TMEM91: variants seen among roughly 807,000 people sequenced by gnomAD.
The protein encoded by TMEM91 is dispanin subfamily C member 3.
Under a neutral mutation model 13.3 loss-of-function variants are expected in TMEM91, and 6 were observed. The ratio of observed to expected loss-of-function variants is 0.45; its 90% CI spans 0.25 to 0.89. The LOEUF (loss-of-function observed/expected upper bound fraction) is 0.89. Among genes scored for constraint, TMEM91 ranks in the 40% least tolerant of loss-of-function variants. TMEM91 has a pLI of 0.19. For synonymous variants in TMEM91, 87 were observed against 101.7 expected, an observed-to-expected ratio of 0.86 and a Z score of 0.87; for missense variants, 193 against 228.7, an observed-to-expected ratio of 0.84 and a Z score of 1.01.
chr19:41,368,067 A>G (rs1314259199), intron 1 of TMEM91, among the ~76,000 whole-genome samples: 1 of 152,154 alleles, frequency 6.6e-6, no homozygotes, highest in Non-Finnish European at 1.5e-5. Context: ...AAGGCTTGGA[A>G]TAATTTAAAG....
chr19:41,380,692 C>T (rs1011188568), intron 2 of TMEM91, among the ~76,000 whole-genome samples: 2 of 151,850 alleles, frequency 1.3e-5, no homozygotes, highest in Admixed American at 6.6e-5. Context: ...GGGCGGATCA[C>T]GAGGTCAGGA....
Position 41,366,052 on chromosome 19 carries a change from C to CTT in TMEM91, c.-30+1976_-30+1977dup, listed in dbSNP as rs11375696. ...TTTTCTTTTTTATTTTATTTATTTA[C>CTT]TTTTTTTTTTTTTTTTTTTTGAGAC... On this transcript the variant is annotated intron_variant, in intron 1 of 3. Transcript: ENST00000413014. Among the ~76,000 whole-genome samples the CTT allele has an allele frequency of 7.8e-3, 822 of 105,820 alleles. 24 individuals carry two copies. The highest frequency in any genetic ancestry group is 0.019 in the African/African-American group (491 of 26,156). 69.4% of individuals were successfully genotyped at this position (105,820 alleles called of 152,430 possible).
At chr19:41,373,785 G>C (rs1369660182), upstream of TMEM91, among the ~76,000 whole-genome samples, 1 of 150,252 alleles carries the variant, frequency 6.7e-6, no homozygotes, top group Non-Finnish European at 1.5e-5. Context: ...TTGGGAGGCT[G>C]AGGTGGGAGA....
chr19:41,378,459 G>T lies in TMEM91; in HGVS notation c.150G>T (p.Leu50=), dbSNP rs768009290. The change falls in exon 2 of 4, where the codon CTG becomes CTT. Residue 50 remains leucine (L), a synonymous_variant. Coordinates refer to ENST00000392002, the MANE Select transcript of TMEM91 (RefSeq NM_001098821.2). ...FAESLRGLQF[L]SPPLPSVSAG... is the part of the protein sequence containing the mutation. The stretch of plus-strand genomic sequence containing the variant: ...AGTCCCTGAGGGGTTTGCAGTTCCT[G>T]TCACCGCCTCTTCCCTCCGTGAGCG... The T allele has an allele frequency of 1.9e-6, 3 of 1,614,136 alleles. No individual in the cohort carries two copies. Among genetic ancestry groups the T allele is most frequent in the Non-Finnish European group, 2.5e-6 (3 of 1,180,022 alleles).
chr19:41,378,917 G>C lies in TMEM91; in HGVS notation c.210+398G>C, dbSNP rs149048857. Reference sequence around the variant, plus strand: ...AGCGATCATAGTTTACTGCAACCTTGACCTCCCGGGCTTAAGCAATCCTCC... The same window carrying C: ...AGCGATCATAGTTTACTGCAACCTTCACCTCCCGGGCTTAAGCAATCCTCC... On this transcript the variant is annotated intron_variant, in intron 2 of 3. Coordinates refer to ENST00000392002, the MANE Select transcript of TMEM91 (RefSeq NM_001098821.2). Among the ~76,000 whole-genome samples the C allele has an allele frequency of 1.4e-3, 220 of 151,754 alleles. 1 individual carries two copies. The highest frequency in any genetic ancestry group is 5.1e-3 in the African/African-American group (212 of 41,354).
rs2038729809 is a variant in TMEM91, at chr19:41,376,784, A to C, written c.-100A>C. On this transcript the variant is annotated 5_prime_UTR_variant, in exon 1 of 4. Coordinates refer to ENST00000392002, the MANE Select transcript of TMEM91 (RefSeq NM_001098821.2). ...AGCGCAAGGTCCCAGCGCCCCTTGG[A>C]TCCTCGGTGGCAGGGTCCGGGCAAG... 1 of 152,104 alleles carries C rather than the reference A, an allele frequency of 6.6e-6. No individual in the cohort carries two copies. The allele number at this position is 152,104 out of a possible 1,614,324, so 9.4% of individuals were successfully genotyped here. A position where few individuals can be genotyped will look rare whatever the true frequency, so the allele number is the denominator to read the frequency against.
chr19:41,364,480 A>ACCAGGACCAAGGGGGAATTCCTT (rs2038479975), intron 1 of TMEM91, among the ~76,000 whole-genome samples: 2 of 152,010 alleles, frequency 1.3e-5, no homozygotes, highest in South Asian at 4.2e-4. Flanking sequence ...CAGAGATTGA[A>ACCAGGACCAAGGGGGAATTCCTT]CCAGGACCAA....
At chr19:41,373,762 T>C (rs966588028), upstream of TMEM91, among the ~76,000 whole-genome samples, 5 of 149,520 alleles carry the variant, frequency 3.3e-5, no homozygotes, top group Non-Finnish European at 7.4e-5. Flanking sequence ...CAGGTTCCTA[T>C]AATCCCAGCT....
intron 2 of TMEM91, among the ~76,000 whole-genome samples, chr19:41,381,997 C>G (rs1359225805): frequency 6.6e-6 from 1 of 152,018 alleles, no homozygotes; most frequent in Non-Finnish European, 1.5e-5. Context: ...TCCTAAGTAG[C>G]TGGGATTACA....
chr19:41,381,158 GC>G (rs1046858788), intron 2 of TMEM91, among the ~76,000 whole-genome samples: 10 of 150,082 alleles, frequency 6.7e-5, no homozygotes, highest in African/African-American at 2.2e-4. Context: ...AATCATTTAG[GC>G]CACTGGAGCA....
chr19:41,370,422 TTTGA>T lies in TMEM91; in HGVS notation c.-30+6328_-30+6331del, dbSNP rs927026936. Reference sequence around the variant, plus strand: ...ATTTATTTATTTATTTATTTATTTATTTGAGACAGAGTCTTGCTCTGTTGCCCAG... The same window carrying T: ...ATTTATTTATTTATTTATTTATTTATGACAGAGTCTTGCTCTGTTGCCCAG... On this transcript the variant is annotated intron_variant, in intron 1 of 3. Transcript: ENST00000413014. 3.0e-4 allele frequency among the ~76,000 whole-genome samples: 45 copies of T among 148,988 alleles called. No homozygotes were observed. The Middle Eastern group carries it at 0.014, about 45-fold the overall frequency.
chr19:41,382,401 A>G (rs1054522713), intron 2 of TMEM91, among the ~76,000 whole-genome samples: 4 of 151,956 alleles, frequency 2.6e-5, no homozygotes, highest in African/African-American at 9.7e-5. Context: ...AGACGGGTGG[A>G]TCACCTGAGG....
In TMEM91 at chr19:41,382,832, C is replaced by A. The variant is rs755807523; in HGVS notation, c.271C>A (p.Leu91Ile). 1 of 1,614,224 alleles carries A rather than the reference C, an allele frequency of 6.2e-7. No individual in the cohort carries two copies. The highest frequency in any genetic ancestry group is 8.5e-7 in the Non-Finnish European group (1 of 1,180,034). ...TGGAGGCAGCCGTCTTTCACCATTT[C>A]TACCCCACGACCACCTCGGCTTGGC... The part of the protein sequence containing the change: ...WDGGSRLSPF[L>I]PHDHLGLAVF... The change falls in exon 3 of 4, where the codon CTA (leucine) becomes ATA (isoleucine). Residue 91 changes from leucine to isoleucine, a missense_variant. Transcript: ENST00000392002.
chr19:41,364,126 G>C (rs1310520917), intron 1 of TMEM91: 3 of 164,270 alleles, frequency 1.8e-5, no homozygotes, highest in South Asian at 2.6e-4. Flanking sequence ...GACCGCGCTC[G>C]TCTTGGTTTC....
chr19:41,383,208 C>T (rs2038933952), intron 3 of TMEM91: 1 of 447,826 alleles, frequency 2.2e-6, no homozygotes, highest in Non-Finnish European at 3.9e-6. Flanking sequence ...CGCGCGCTAC[C>T]ATGCCTGGCT....
chr19:41,371,353 C>T (rs1458846812), intron 1 of TMEM91, among the ~76,000 whole-genome samples: 1 of 149,196 alleles, frequency 6.7e-6, no homozygotes, highest in Non-Finnish European at 1.5e-5. Context: ...TTCCTTCCTT[C>T]CTTCCTTCCT....
intron 2 of TMEM91, among the ~76,000 whole-genome samples, chr19:41,380,283 G>T (rs1367784084): frequency 1.2e-4 from 18 of 152,134 alleles, no homozygotes; most frequent in Admixed American, 1.2e-3. Context: ...GGCAGCTTAT[G>T]TACCTCCAGC....
At position 41,378,483 on chromosome 19, in the gene TMEM91, C is replaced by A. The variant is rs367907745; in HGVS notation, c.174C>A (p.Ser58Arg). 1.2e-6 allele frequency: 2 copies of A among 1,613,962 alleles called. No individual in the cohort carries two copies. The highest frequency in any genetic ancestry group is 2.7e-5 in the African/African-American group (2 of 74,910). ...TGTCACCGCCTCTTCCCTCCGTGAG[C>A]GCTGGCCTGGGGGAACCAAGGCCCC... ...QFLSPPLPSV[S>R]AGLGEPRPPD... Residue 58 changes from serine to arginine, a missense_variant, in exon 2 of 4, where the codon AGC becomes AGA. Transcript: ENST00000392002.
At chr19:41,377,253 G>T (rs1437928975) in intron 1 of TMEM91, 1 of 152,870 alleles carries the variant, frequency 6.5e-6, no homozygotes, top group Non-Finnish European at 1.5e-5. Flanking sequence ...GTGTGCGTGT[G>T]TGCACAGGTG....
Sources: gnomAD v4.1 joint callset for allele counts (sites outside exome capture counted in the v4.1 genomes callset) on GRCh38, gnomAD v4.1.1 for gene constraint, MANE v1.5 for transcripts, NCBI Gene and HGNC (gene_info 2026-07-23, HGNC 2026-07-21) for gene names.